The following WDFY3 variants were observed in gnomAD, a reference collection of about 807,000 sequenced individuals.
WDFY3 encodes the protein WD repeat and FYVE domain containing 3.
WDFY3 carries 66 observed loss-of-function variants against 409.6 expected under a neutral mutation model. The observed-to-expected ratio is 0.16, with a 90% CI of 0.13 to 0.20. The LOEUF (loss-of-function observed/expected upper bound fraction) is 0.20, where lower values mean the gene tolerates loss of function less well. WDFY3 is among the 10% of genes least tolerant of loss of function. WDFY3 has a pLI of 1.00. For synonymous variants in WDFY3, 1,521 were observed against 1,537.1 expected, an observed-to-expected ratio of 0.99 and a Z score of 0.25; for missense variants, 3,031 against 4,298.1, an observed-to-expected ratio of 0.71 and a Z score of 8.24.
At chr4:84,742,996 A>C (rs998248072) in intron 37 of WDFY3, among the ~76,000 whole-genome samples, 54 of 152,180 alleles carry the variant, frequency 3.5e-4, no homozygotes, top group African/African-American at 1.3e-3. Flanking sequence ...ATAAGTACAA[A>C]AGTGTGAATT....
At chr4:84,727,416 A>G (rs1049738880) in intron 44 of WDFY3, among the ~76,000 whole-genome samples, 2 of 152,124 alleles carry the variant, frequency 1.3e-5, no homozygotes, top group Non-Finnish European at 2.9e-5. Context: ...TCTCTTTAAG[A>G]ATCCTCCCTT....
chr4:84,952,590 G>C (rs1015237162), intron 1 of WDFY3, among the ~76,000 whole-genome samples: 2 of 151,894 alleles, frequency 1.3e-5, no homozygotes, highest in African/African-American at 4.8e-5. Flanking sequence ...TCTTCTTCCA[G>C]CTTATTCTTT....
At chr4:84,723,329 T>C (rs1488638754) in intron 46 of WDFY3, among the ~76,000 whole-genome samples, 1 of 152,256 alleles carries the variant, frequency 6.6e-6, no homozygotes, top group African/African-American at 2.4e-5. Context: ...ACAATCTCAA[T>C]AGTGTTTTTT....
chr4:84,864,941 G>A (rs575484654), intron 3 of WDFY3, among the ~76,000 whole-genome samples: 2 of 151,848 alleles, frequency 1.3e-5, no homozygotes, highest in South Asian at 2.1e-4. Context: ...AGTCTGGAGT[G>A]CAGTGGTGCA....
At chr4:84,866,731 T>C (rs1195868647) in intron 3 of WDFY3, among the ~76,000 whole-genome samples, 2 of 152,206 alleles carry the variant, frequency 1.3e-5, no homozygotes, top group Non-Finnish European at 2.9e-5. Context: ...TGTGGAGTGC[T>C]TTCTCGCTTT....
chr4:84,831,763 G>A (rs1755774123), intron 7 of WDFY3, among the ~76,000 whole-genome samples, 158 bp from the exon 8 acceptor site: 1 of 152,068 alleles, frequency 6.6e-6, no homozygotes, highest in Non-Finnish European at 1.5e-5. Context: ...AATCATCAGG[G>A]AAATGAAAAT....
chr4:84,726,526 T>C (rs1163669896), intron 45 of WDFY3, among the ~76,000 whole-genome samples: 1 of 152,170 alleles, frequency 6.6e-6, no homozygotes. Flanking sequence ...AAGTTGAAGA[T>C]GCCAGGCTGC....
At chr4:84,683,713 C>G (rs1034778129) in intron 63 of WDFY3, among the ~76,000 whole-genome samples, 1 of 152,186 alleles carries the variant, frequency 6.6e-6, no homozygotes, top group Non-Finnish European at 1.5e-5. Context: ...CTGTGTCAAG[C>G]TGTCAAATGG....
At chr4:84,752,628 C>A (rs1312872982) in intron 35 of WDFY3, among the ~76,000 whole-genome samples, 1 of 149,988 alleles carries the variant, frequency 6.7e-6, no homozygotes, top group Non-Finnish European at 1.5e-5. Flanking sequence ...AAATTATAAA[C>A]AAGCCAAGGT....
intron 15 of WDFY3, among the ~76,000 whole-genome samples, chr4:84,805,704 A>C (rs1578604062): frequency 6.6e-6 from 1 of 152,196 alleles, no homozygotes; most frequent in Non-Finnish European, 1.5e-5. Flanking sequence ...TAAATTCTGA[A>C]TCTGCTTTGC....
At chr4:84,886,230 A>G (rs187922241) in intron 3 of WDFY3, among the ~76,000 whole-genome samples, 1 of 152,164 alleles carries the variant, frequency 6.6e-6, no homozygotes, top group Non-Finnish European at 1.5e-5. Context: ...ACTTTGCAAT[A>G]CTTCTGAATT....
intron 4 of WDFY3, among the ~76,000 whole-genome samples, chr4:84,850,814 C>CA (rs920388937): frequency 1.3e-5 from 2 of 150,352 alleles, no homozygotes; most frequent in Admixed American, 6.6e-5. Context: ...AGGCTGTTAC[C>CA]AAAAAAACTA....
chr4:84,772,084 A>G (rs559220053), intron 30 of WDFY3, among the ~76,000 whole-genome samples: 1 of 152,220 alleles, frequency 6.6e-6, no homozygotes, highest in African/African-American at 2.4e-5. Flanking sequence ...CTCCAGGTAG[A>G]TGGGGTTGTA....
At chr4:84,899,802 A>G (rs1766110758) in intron 2 of WDFY3, among the ~76,000 whole-genome samples, 1 of 152,154 alleles carries the variant, frequency 6.6e-6, no homozygotes, top group South Asian at 2.1e-4. Flanking sequence ...TGAAAAGCTG[A>G]GGCGTGAGGA....
At chr4:84,721,918 C>T (rs1041442940) in intron 46 of WDFY3, among the ~76,000 whole-genome samples, 1 of 152,090 alleles carries the variant, frequency 6.6e-6, no homozygotes, top group Admixed American at 6.6e-5. Flanking sequence ...AATTAGGTAA[C>T]TCATGTAAAG....
chr4:84,708,396 C>T (rs1449767060), intron 53 of WDFY3, among the ~76,000 whole-genome samples: 3 of 152,168 alleles, frequency 2.0e-5, no homozygotes, highest in Non-Finnish European at 1.5e-5. Flanking sequence ...GAATTAATAG[C>T]CAGTACTCAG....
At position 84,778,689 on chromosome 4, in the gene WDFY3, AATC is replaced by A. The variant is rs781360905; in HGVS notation, c.4366-37_4366-35del. 52 of 1,589,776 alleles carry A rather than the reference AATC, an allele frequency of 3.3e-5. 1 individual carries two copies. In the Middle Eastern group the frequency reaches 6.8e-4, roughly 21 times the overall value. The stretch of plus-strand genomic sequence containing the variant: ...AAGTAATACCAAATGCCTGTTGATA[AATC>A]ATCATATATATTCATTACACACACA... On this transcript the variant is annotated intron_variant, in intron 26 of 67. Transcript: ENST00000295888.
At chr4:84,947,156 G>A (rs553415019) in intron 1 of WDFY3, among the ~76,000 whole-genome samples, 3 of 152,046 alleles carry the variant, frequency 2.0e-5, no homozygotes, top group South Asian at 2.1e-4. Flanking sequence ...GCAAGGCAGA[G>A]AGAGACTAAA....
chr4:84,735,209 G>T (rs1737234661), intron 42 of WDFY3, 89 bp from the exon 43 acceptor site: 1 of 1,215,574 alleles, frequency 8.2e-7, no homozygotes, highest in Non-Finnish European at 1.1e-6. Flanking sequence ...CTAAATAATT[G>T]GTTAAAATTC....
Sources: gnomAD v4.1 joint callset for allele counts (sites outside exome capture counted in the v4.1 genomes callset) on GRCh38, gnomAD v4.1.1 for gene constraint, MANE v1.5 for transcripts, NCBI Gene and HGNC (gene_info 2026-07-23, HGNC 2026-07-21) for gene names.